Variants in TMEM72 observed in about 807,000 individuals in gnomAD.
TMEM72 encodes the protein kidney-specific secretory protein of 37 kDa.
A neutral mutation model predicts 16.3 loss-of-function variants in TMEM72; 9 were observed. The ratio of observed to expected loss-of-function variants is 0.55; its 90% confidence interval spans 0.33 to 0.96. The LOEUF is 0.96. TMEM72 is among the 40% of genes least tolerant of loss of function. The pLI, the probability that TMEM72 is intolerant of heterozygous loss-of-function variation, is 0.03. For missense variants in TMEM72, 324 were observed against 337.8 expected (o/e 0.96, Z 0.32); for synonymous variants, 160 against 146.5 (o/e 1.09, Z -0.66).
chr10:44,936,233 C>G lies in TMEM72; in HGVS notation c.*1099C>G, dbSNP rs1031796003. The G allele has an allele frequency of 6.6e-6, 1 of 152,160 alleles. No individual in the cohort carries two copies. Among genetic ancestry groups the G allele is most frequent in the African/African-American group, 2.4e-5 (1 of 41,432 alleles). 9.4% of individuals were successfully genotyped at this position (152,160 alleles called of 1,614,324 possible). A position where few individuals can be genotyped will look rare whatever the true frequency, so the allele number is the denominator to read the frequency against. The stretch of plus-strand genomic sequence containing the variant: ...TGTTGTCGGGTCCATGAGGCTGTTG[C>G]CAGGAAGAGCACACACACCATTCTT... On this transcript the variant is annotated 3_prime_UTR_variant, in exon 5 of 5. Coordinates refer to ENST00000389583, the MANE Select transcript of TMEM72 (RefSeq NM_001123376.3).
chr10:44,935,176 C>A lies in TMEM72; in HGVS notation c.*42C>A. 1 of 1,511,364 alleles carries A rather than the reference C, an allele frequency of 6.6e-7. No homozygotes were observed. The highest frequency in any genetic ancestry group is 1.3e-5 in the South Asian group (1 of 75,612). The allele number at this position is 1,511,364 out of a possible 1,614,324, so 93.6% of individuals were successfully genotyped here. ...GGAGGACGCTCAGTGAGGGGTCTAC[C>A]TAGCTCAATGGCCCTCCCTGGAGTT... On this transcript the variant is annotated 3_prime_UTR_variant, in exon 5 of 5. Transcript: ENST00000389583.
intron 1 of TMEM72, among the ~76,000 whole-genome samples, chr10:44,923,867 C>A (rs142628071): frequency 2.5e-4 from 38 of 152,318 alleles, no homozygotes; most frequent in East Asian, 1.2e-3. Context: ...CTATGCCAAG[C>A]GCCCTGCTGT....
At chr10:44,934,430 G>A (rs934460737) in intron 4 of TMEM72, among the ~76,000 whole-genome samples, 1 of 152,154 alleles carries the variant, frequency 6.6e-6, no homozygotes, top group Non-Finnish European at 1.5e-5. Context: ...GAAAAGCAGA[G>A]CCTCCATCCT....
chr10:44,933,362 TA>T (rs1840336498), intron 3 of TMEM72, among the ~76,000 whole-genome samples: 1 of 152,252 alleles, frequency 6.6e-6, no homozygotes, highest in Non-Finnish European at 1.5e-5. Flanking sequence ...TCTTCCTCAC[TA>T]ACTCATGCAG....
chr10:44,921,831 C>T (rs1169361456), intron 1 of TMEM72, among the ~76,000 whole-genome samples: 1 of 152,242 alleles, frequency 6.6e-6, no homozygotes, highest in Non-Finnish European at 1.5e-5. Flanking sequence ...CTACCACTCT[C>T]AGGGCCCACG....
chr10:44,932,551 G>C (rs1840316987), intron 3 of TMEM72, among the ~76,000 whole-genome samples: 2 of 152,186 alleles, frequency 1.3e-5, no homozygotes, highest in South Asian at 4.1e-4. Context: ...GATCTCGTGA[G>C]GCCCTTGCTG....
At chr10:44,912,686 C>T (rs1190344381) in intron 1 of TMEM72, among the ~76,000 whole-genome samples, 1 of 152,222 alleles carries the variant, frequency 6.6e-6, no homozygotes, top group African/African-American at 2.4e-5. Flanking sequence ...AGGAACTGAG[C>T]ATGGCTAAGT....
At chr10:44,915,433 C>T (rs568655428) in intron 1 of TMEM72, among the ~76,000 whole-genome samples, 6 of 151,790 alleles carry the variant, frequency 4.0e-5, no homozygotes, top group Middle Eastern at 3.4e-3. Flanking sequence ...CCTGATGGAG[C>T]GAAGCATCTT....
chr10:44,913,454 A>G (rs771751817), intron 1 of TMEM72, among the ~76,000 whole-genome samples: 110 of 137,086 alleles, frequency 8.0e-4, no homozygotes, highest in South Asian at 4.2e-4. Context: ...ATGTGCACGC[A>G]CACACACACA....
chr10:44,916,293 G>C (rs1840013777), intron 1 of TMEM72, among the ~76,000 whole-genome samples: 1 of 152,082 alleles, frequency 6.6e-6, no homozygotes, highest in African/African-American at 2.4e-5. Flanking sequence ...ATCACTGAGG[G>C]GTTTTATTTT....
intron 2 of TMEM72, among the ~76,000 whole-genome samples, chr10:44,931,368 A>G (rs551890763): frequency 6.6e-6 from 1 of 152,346 alleles, no homozygotes; most frequent in East Asian, 1.9e-4. Context: ...CCACACTGGG[A>G]GCACAAGGAG....
At chr10:44,912,801 G>C (rs1038854416) in intron 1 of TMEM72, among the ~76,000 whole-genome samples, 1 of 152,202 alleles carries the variant, frequency 6.6e-6, no homozygotes, top group African/African-American at 2.4e-5. Context: ...TCAGCCGTGA[G>C]CTGGCCAGTG....
At chr10:44,913,592 C>A (rs774612422) in intron 1 of TMEM72, among the ~76,000 whole-genome samples, 13 of 152,128 alleles carry the variant, frequency 8.5e-5, no homozygotes, top group Non-Finnish European at 1.2e-4. Flanking sequence ...GAGATTCAGA[C>A]TAAAAATAGC....
chr10:44,935,172 C>A lies in TMEM72; in HGVS notation c.*38C>A. 1 of 1,514,538 alleles carries A rather than the reference C, an allele frequency of 6.6e-7. No individual in the cohort carries two copies. Among genetic ancestry groups the A allele is most frequent in the Non-Finnish European group, 8.8e-7 (1 of 1,130,448 alleles). The allele number at this position is 1,514,538 out of a possible 1,614,324, so 93.8% of individuals were successfully genotyped here. A position where few individuals can be genotyped will look rare whatever the true frequency, so the allele number is the denominator to read the frequency against. ...GCCTGGAGGACGCTCAGTGAGGGGT[C>A]TACCTAGCTCAATGGCCCTCCCTGG... On this transcript the variant is annotated 3_prime_UTR_variant, in exon 5 of 5. Transcript: ENST00000389583.
Position 44,922,859 on chromosome 10 carries a change from C to G in TMEM72, c.71-5062C>G, listed in dbSNP as rs1475198837. 2.0e-5 allele frequency among the ~76,000 whole-genome samples: 3 copies of G among 152,172 alleles called. No homozygotes were observed. In the East Asian group the frequency reaches 5.8e-4, roughly 29 times the overall value. ...CCAGAAATGCTTACTCCTGAGGAGT[C>G]ACAATATAATGTTTACTCTAAGGCG... On this transcript the variant is annotated intron_variant, in intron 1 of 4. Transcript: ENST00000389583.
At chr10:44,933,863 T>C in intron 4 of TMEM72, 87 bp downstream of exon 4, 1 of 1,465,488 alleles carries the variant, frequency 6.8e-7, no homozygotes, top group Non-Finnish European at 9.1e-7. Context: ...CTAGCTCCAG[T>C]GGTGGCTCCA....
In TMEM72 at chr10:44,919,365, T is replaced by A. The variant is rs192855316; in HGVS notation, c.70+7783T>A. On this transcript the variant is annotated intron_variant, in intron 1 of 4. Coordinates refer to ENST00000389583, the MANE Select transcript of TMEM72 (RefSeq NM_001123376.3). ...GAAAAAGAAAAATTTTATTCACAGA[T>A]GACGTTATCATCTGTAGAAAATCTA... 3.9e-5 allele frequency among the ~76,000 whole-genome samples: 6 copies of A among 152,288 alleles called. No homozygotes were observed. In the East Asian group the frequency reaches 1.2e-3, roughly 29 times the overall value.
chr10:44,925,418 G>GTA (rs1564435825), intron 1 of TMEM72, among the ~76,000 whole-genome samples: 1 of 152,216 alleles, frequency 6.6e-6, no homozygotes, highest in African/African-American at 2.4e-5. Context: ...GACGTGTCAC[G>GTA]TAAGTGGAGC....
rs368153016 is a variant in TMEM72, at chr10:44,935,101, C to G, written c.795C>G (p.Phe265Leu). 6.2e-7 allele frequency: 1 copy of G among 1,606,256 alleles called. No homozygotes were observed. Among genetic ancestry groups the G allele is most frequent in the East Asian group, 2.2e-5 (1 of 44,818 alleles). Residue 265 changes from phenylalanine (F) to leucine (L), a missense_variant, in exon 5 of 5, where the codon TTC becomes TTG. Physicochemically the swap from Phe to Leu is conservative, Grantham distance 22. Coordinates refer to ENST00000389583, the MANE Select transcript of TMEM72 (RefSeq NM_001123376.3). ...PIIPPPQAPL[F>L]LSSLTATGLF The stretch of plus-strand genomic sequence containing the variant: ...TTCCCCCTCCCCAGGCCCCACTCTT[C>G]CTGTCATCTCTTACAGCCACCGGCC...
Sources: allele counts gnomAD v4.1 joint callset (sites outside exome capture counted in the v4.1 genomes callset), GRCh38; gene constraint gnomAD v4.1.1; transcripts MANE v1.5; gene names NCBI Gene and HGNC (gene_info 2026-07-23, HGNC 2026-07-21).